The following ERBB4 variants were observed in gnomAD, a reference collection of about 807,000 sequenced individuals.
The protein encoded by ERBB4 is erb-b2 receptor tyrosine kinase 4, also known as receptor tyrosine-protein kinase erbB-4.
Under a neutral mutation model 158.0 loss-of-function variants are expected in ERBB4, and 42 were observed. The ratio of observed to expected loss-of-function variants is 0.27; its 90% confidence interval spans 0.21 to 0.34. The LOEUF (loss-of-function observed/expected upper bound fraction) is 0.34, where lower values mean the gene tolerates loss of function less well. Ranked by LOEUF, ERBB4 falls within the 10% of genes least tolerant of loss-of-function variation. The pLI is 1.00. For synonymous variants in ERBB4, 583 were observed against 558.7 expected (o/e 1.04, Z -0.61); for missense variants, 1,333 against 1,624.1 (o/e 0.82, Z 3.08).
At chr2:212,127,463 G>T (rs954432471) in intron 1 of ERBB4, among the ~76,000 whole-genome samples, 1 of 152,076 alleles carries the variant, frequency 6.6e-6, no homozygotes, top group Admixed American at 6.6e-5. Flanking sequence ...CTGGTGGCGG[G>T]TGCCTGTAGT....
rs1199447197 is a variant in ERBB4 at position 212,483,825 on chromosome 2, C to T, written c.82+54624G>A. On this transcript the variant is annotated intron_variant, in intron 1 of 27. Transcript: ENST00000342788. ...GATCTCAGCTCACTGCAAGCTCCGCCTTCAGGGTTCACGCCATTCTCCTGC... is the reference window on the plus strand; with the variant it reads ...GATCTCAGCTCACTGCAAGCTCCGCTTTCAGGGTTCACGCCATTCTCCTGC... Among the ~76,000 whole-genome samples the T allele has an allele frequency of 2.6e-5, 4 of 152,158 alleles. No homozygotes were observed. The East Asian group carries it at 7.7e-4, about 29-fold the overall frequency.
chr2:211,657,680 A>G, intron 16 of ERBB4, 74 bp downstream of exon 16: 1 of 1,119,886 alleles, frequency 8.9e-7, no homozygotes. Context: ...ATTTAACCCA[A>G]CTGGTTAGTA....
intron 1 of ERBB4, among the ~76,000 whole-genome samples, chr2:212,334,358 T>C (rs372605191): frequency 6.6e-6 from 1 of 152,052 alleles, no homozygotes; most frequent in African/African-American, 2.4e-5. Context: ...GAAATTTTGT[T>C]CATTGATATA....
intron 19 of ERBB4, among the ~76,000 whole-genome samples, chr2:211,607,716 A>G (rs747572876): frequency 5.9e-5 from 9 of 152,194 alleles, no homozygotes; most frequent in South Asian, 2.1e-4. Context: ...ATTTTTTGGG[A>G]AAAAAACAAG....
At chr2:212,508,691 T>C (rs1402070427) in intron 1 of ERBB4, among the ~76,000 whole-genome samples, 1 of 152,150 alleles carries the variant, frequency 6.6e-6, no homozygotes, top group Non-Finnish European at 1.5e-5. Flanking sequence ...AGAATATAAA[T>C]AGCAGTAGTG....
intron 3 of ERBB4, among the ~76,000 whole-genome samples, chr2:211,881,845 T>C (rs1033481466): frequency 5.9e-5 from 9 of 152,156 alleles, no homozygotes; most frequent in African/African-American, 2.2e-4. Flanking sequence ...CCTTGATATT[T>C]GTAGCCATGA....
At position 211,942,912 on chromosome 2, in the gene ERBB4, C is replaced by T. The variant is rs1019438080; in HGVS notation, c.421+4518G>A. Among the ~76,000 whole-genome samples, 6 of 152,000 alleles carry T rather than the reference C, an allele frequency of 3.9e-5. No individual in the cohort carries two copies. The South Asian group carries it at 1.2e-3, about 32-fold the overall frequency. On this transcript the variant is annotated intron_variant, in intron 3 of 27. Coordinates refer to ENST00000342788, the MANE Select transcript of ERBB4 (RefSeq NM_005235.3). ...AATATAGGTATATGTGTATTAAATT[C>T]GTACCTAGGTTATCATTGCATATCA...
chr2:211,813,001 G>A (rs575223547), intron 3 of ERBB4, among the ~76,000 whole-genome samples: 6 of 152,174 alleles, frequency 3.9e-5, no homozygotes, highest in Admixed American at 2.0e-4. Flanking sequence ...TGCACTTCCC[G>A]GGTGAGGTGA....
At chr2:212,121,376 T>A (rs2079742660) in intron 2 of ERBB4, among the ~76,000 whole-genome samples, 1 of 152,060 alleles carries the variant, frequency 6.6e-6, no homozygotes, top group African/African-American at 2.4e-5. Flanking sequence ...CCACACCTAA[T>A]TAATTTTTGT....
intron 25 of ERBB4, among the ~76,000 whole-genome samples, chr2:211,417,260 C>T (rs1254634203): frequency 6.6e-6 from 1 of 151,972 alleles, no homozygotes; most frequent in African/African-American, 2.4e-5. Context: ...ATTGCTTGAG[C>T]TCTGGAGTTC....
chr2:212,174,505 G>T (rs1236638434), intron 1 of ERBB4, among the ~76,000 whole-genome samples: 1 of 152,050 alleles, frequency 6.6e-6, no homozygotes, highest in East Asian at 1.9e-4. Flanking sequence ...TTTCAGTTGA[G>T]AAAACAAAAG....
chr2:211,924,517 C>T (rs909821952), intron 3 of ERBB4, among the ~76,000 whole-genome samples: 2 of 151,902 alleles, frequency 1.3e-5, no homozygotes, highest in Non-Finnish European at 2.9e-5. Flanking sequence ...TTTGAATAAT[C>T]TGTATAATAT....
Position 211,505,938 on chromosome 2 carries a change from C to T in ERBB4, c.2487+55965G>A, listed in dbSNP as rs192571112. ...TCGCACCACTGCACTCCAGCCTGGG[C>T]GATAGAGCGAGACTCCATCTCAAAA... On this transcript the variant is annotated intron_variant, in intron 20 of 27. Coordinates refer to ENST00000342788, the MANE Select transcript of ERBB4 (RefSeq NM_005235.3). Among the ~76,000 whole-genome samples the T allele has an allele frequency of 3.5e-3, 460 of 133,126 alleles. 3 individuals carry two copies. The highest frequency in any genetic ancestry group is 0.012 in the African/African-American group (429 of 34,630). 87.3% of individuals were successfully genotyped at this position (133,126 alleles called of 152,430 possible).
intron 1 of ERBB4, among the ~76,000 whole-genome samples, chr2:212,197,262 G>T (rs972507344): frequency 6.6e-6 from 1 of 152,146 alleles, no homozygotes; most frequent in African/African-American, 2.4e-5. Context: ...TAAAACTTAT[G>T]AAGATTCGCA....
intron 2 of ERBB4, among the ~76,000 whole-genome samples, chr2:211,949,642 T>A (rs180712346): frequency 1.3e-5 from 2 of 152,310 alleles, no homozygotes; most frequent in Admixed American, 6.5e-5. Flanking sequence ...AGTCATCAGT[T>A]CTCTTTCACA....
chr2:211,817,331 G>A lies in ERBB4; in HGVS notation c.422-29172C>T, dbSNP rs767880141. On this transcript the variant is annotated intron_variant, in intron 3 of 27. Transcript: ENST00000342788. ...TTTACATTTGGAGCCTCAATAGAGC[G>A]GAGTACCTTCTTGTTAAAGGGGTTG... Among the ~76,000 whole-genome samples, 124 of 152,250 alleles carry A rather than the reference G, an allele frequency of 8.1e-4. 1 individual carries two copies. Among genetic ancestry groups the A allele is most frequent in the Non-Finnish European group, 8.2e-4 (56 of 68,020 alleles).
At chr2:211,866,834 A>G (rs892008913) in intron 3 of ERBB4, among the ~76,000 whole-genome samples, 8 of 152,006 alleles carry the variant, frequency 5.3e-5, no homozygotes, top group East Asian at 1.9e-4. Flanking sequence ...AAAATTATCT[A>G]TGATTTTTAT....
At chr2:212,492,145 A>C (rs1458672627) in intron 1 of ERBB4, among the ~76,000 whole-genome samples, 2 of 151,572 alleles carry the variant, frequency 1.3e-5, no homozygotes, top group Non-Finnish European at 3.0e-5. Context: ...TGAAGAAATA[A>C]TGCAATTTAC....
intron 2 of ERBB4, among the ~76,000 whole-genome samples, chr2:212,083,115 T>A (rs527715456): frequency 6.6e-6 from 1 of 152,060 alleles, no homozygotes; most frequent in South Asian, 2.1e-4. Context: ...CCATGAATAA[T>A]AAATAAGCAG....
Sources: allele counts gnomAD v4.1 joint callset (sites outside exome capture counted in the v4.1 genomes callset), GRCh38; gene constraint gnomAD v4.1.1; transcripts MANE v1.5; gene names NCBI Gene and HGNC (gene_info 2026-07-23, HGNC 2026-07-21).